Variants in DHX15 observed in about 807,000 individuals in gnomAD.
The protein encoded by DHX15 is DEAH-box helicase 15.
Under a neutral mutation model 94.4 loss-of-function variants are expected in DHX15, and 11 were observed. That is an observed-to-expected ratio of 0.12 (90% CI 0.07 to 0.19). DHX15 has a LOEUF of 0.19. DHX15 is among the 10% of genes least tolerant of loss of function. DHX15 has a pLI of 1.00. For synonymous variants in DHX15, 338 were observed against 329.9 expected (o/e 1.02, Z -0.27); for missense variants, 304 against 988.5 (o/e 0.31, Z 9.29).
intron 12 of DHX15, chr4:24,530,818 T>C (rs563109070): frequency 1.3e-5 from 2 of 152,194 alleles, no homozygotes; most frequent in African/African-American, 4.8e-5. Flanking sequence ...GCATGAATAA[T>C]AGAAAAGAAA....
chr4:24,544,327 C>T (rs757666562), intron 6 of DHX15, among the ~76,000 whole-genome samples: 2 of 152,044 alleles, frequency 1.3e-5, no homozygotes, highest in Non-Finnish European at 2.9e-5. Context: ...GTAGACTTCC[C>T]AAAATACTAA....
chr4:24,560,735 T>C (rs1356841633), intron 3 of DHX15, among the ~76,000 whole-genome samples: 2 of 152,150 alleles, frequency 1.3e-5, no homozygotes, highest in Non-Finnish European at 2.9e-5. Context: ...CATTTTAAAA[T>C]AGCACCTTAA....
At chr4:24,559,431 T>C (rs998323806) in intron 3 of DHX15, among the ~76,000 whole-genome samples, 1 of 144,480 alleles carries the variant, frequency 6.9e-6, no homozygotes, top group Non-Finnish European at 1.5e-5. Flanking sequence ...TACTGTTAAA[T>C]GTATGAAACC....
chr4:24,554,034 C>G (rs546766066), intron 5 of DHX15, among the ~76,000 whole-genome samples: 1 of 151,652 alleles, frequency 6.6e-6, no homozygotes, highest in East Asian at 2.0e-4. Context: ...CTGGCTAAAA[C>G]GGTGAAACCC....
chr4:24,562,846 T>C (rs1050933440), intron 3 of DHX15, among the ~76,000 whole-genome samples: 5 of 152,124 alleles, frequency 3.3e-5, no homozygotes, highest in African/African-American at 1.2e-4. Flanking sequence ...CACAGAACTA[T>C]CAAATCTGTG....
At chr4:24,551,073 G>T (rs1477426275) in intron 5 of DHX15, among the ~76,000 whole-genome samples, 2 of 152,168 alleles carry the variant, frequency 1.3e-5, no homozygotes, top group African/African-American at 4.8e-5. Flanking sequence ...GTGCATTCAA[G>T]AGGAGACATA....
intron 11 of DHX15, chr4:24,534,290 T>C (rs979359505): frequency 6.6e-6 from 1 of 152,138 alleles, no homozygotes; most frequent in African/African-American, 2.4e-5. Flanking sequence ...GGCAGAAAAA[T>C]GCCCAAGCTG....
At chr4:24,555,544 T>G (rs1174879609) in intron 4 of DHX15, among the ~76,000 whole-genome samples, 1 of 152,194 alleles carries the variant, frequency 6.6e-6, no homozygotes, top group African/African-American at 2.4e-5. Flanking sequence ...GAATCTTTCT[T>G]GCCAGTGTTG....
At chr4:24,539,525 T>C (rs1428291708) in intron 10 of DHX15, among the ~76,000 whole-genome samples, 1 of 152,194 alleles carries the variant, frequency 6.6e-6, no homozygotes, top group Non-Finnish European at 1.5e-5. Context: ...CGATTTTATA[T>C]ATTAGGTATG....
chr4:24,547,335 T>C (rs1490338436), intron 6 of DHX15, among the ~76,000 whole-genome samples: 3 of 152,208 alleles, frequency 2.0e-5, no homozygotes, highest in African/African-American at 4.8e-5. Context: ...TCATCACATA[T>C]CCAGCCACTG....
At chr4:24,576,851 C>T (rs1722278930) in intron 1 of DHX15, among the ~76,000 whole-genome samples, 173 bp from the exon 2 acceptor site, 1 of 152,224 alleles carries the variant, frequency 6.6e-6, no homozygotes, top group African/African-American at 2.4e-5. Context: ...TTCCCATTCT[C>T]CACCACAAAC....
Position 24,584,369 on chromosome 4 carries a change from G to C in DHX15, c.25C>G (p.Leu9Val). ...TTGCCAGAGGGGTAATCCTCCCCTAGGTCCAACCGGTGCCGCTTGGACATC... is the reference window on the plus strand; with the variant it reads ...TTGCCAGAGGGGTAATCCTCCCCTACGTCCAACCGGTGCCGCTTGGACATC... The part of the protein sequence containing the change: MSKRHRLD[L>V]GEDYPSGKKR... Residue 9 changes from leucine (L) to valine (V), a missense_variant, in exon 1 of 14, where the codon CTA becomes GTA. Around this residue, in one of 9 missense-constraint regions of DHX15, gnomAD observed 143 missense variants for 200.5 expected, o/e 0.71. Coordinates refer to ENST00000336812, the MANE Select transcript of DHX15 (RefSeq NM_001358.3). 2 of 1,613,072 alleles carry C rather than the reference G, an allele frequency of 1.2e-6. No individual in the cohort carries two copies. The highest frequency in any genetic ancestry group is 2.2e-5 in the East Asian group (1 of 44,828).
rs1317655074 is a variant in DHX15 at position 24,527,697 on chromosome 4, G to C, written c.*227C>G. ...TATATAGAACTACTTTCAATAAACT[G>C]CAAAACATTGATCGACTTTTCCAGT... is the stretch of plus-strand genomic sequence containing the variant. On this transcript the variant is annotated 3_prime_UTR_variant, in exon 14 of 14. Transcript: ENST00000336812. 8.8e-6 allele frequency: 4 copies of C among 452,070 alleles called. No homozygotes were observed. Among genetic ancestry groups the C allele is most frequent in the Non-Finnish European group, 1.6e-5 (4 of 252,964 alleles). The allele number at this position is 452,070 out of a possible 1,614,324, so 28.0% of individuals were successfully genotyped here. A position where few individuals can be genotyped will look rare whatever the true frequency, so the allele number is the denominator to read the frequency against.
intron 5 of DHX15, among the ~76,000 whole-genome samples, chr4:24,550,500 A>G (rs1394046929): frequency 1.3e-5 from 2 of 152,082 alleles, no homozygotes; most frequent in Non-Finnish European, 2.9e-5. Context: ...CCAATTTAAA[A>G]TTTTTTACTT....
chr4:24,550,611 G>GT (rs1721581045), intron 5 of DHX15, among the ~76,000 whole-genome samples: 2 of 152,020 alleles, frequency 1.3e-5, no homozygotes, highest in African/African-American at 4.8e-5. Context: ...CCACCTTAAC[G>GT]TATTAACCCA....
chr4:24,553,978 G>A (rs1721667769), intron 5 of DHX15, among the ~76,000 whole-genome samples: 1 of 152,134 alleles, frequency 6.6e-6, no homozygotes, highest in Non-Finnish European at 1.5e-5. Context: ...CAGCACTTTG[G>A]GAGGCCGAGG....
chr4:24,581,174 G>A (rs1300249078), intron 1 of DHX15, among the ~76,000 whole-genome samples: 1 of 151,856 alleles, frequency 6.6e-6, no homozygotes, highest in Non-Finnish European at 1.5e-5. Flanking sequence ...GACTACAGGT[G>A]CCCGCCACCA....
intron 6 of DHX15, among the ~76,000 whole-genome samples, chr4:24,543,564 C>T (rs897766280): frequency 6.6e-6 from 1 of 152,048 alleles, no homozygotes; most frequent in African/African-American, 2.4e-5. Flanking sequence ...GTAAATATTT[C>T]GGTAAGTGCA....
chr4:24,584,192 A>T, intron 1 of DHX15, 131 bp downstream of exon 1: 2 of 961,458 alleles, frequency 2.1e-6, no homozygotes, highest in Non-Finnish European at 3.1e-6. Context: ...ACCCGCCGCT[A>T]GTGAACCCAG....
Sources: allele counts gnomAD v4.1 joint callset (sites outside exome capture counted in the v4.1 genomes callset), GRCh38; gene constraint gnomAD v4.1.1; regional missense constraint gnomAD v4.1.1; transcripts MANE v1.5; gene names NCBI Gene and HGNC (gene_info 2026-07-23, HGNC 2026-07-21).